PRR22: variants seen among roughly 807,000 people sequenced by gnomAD.
The protein encoded by PRR22 is proline-rich protein 22.
In PRR22, 5 loss-of-function variants were observed where a neutral mutation model predicts 7.2. The ratio of observed to expected loss-of-function variants is 0.69; its 90% CI spans 0.36 to 1.45. The LOEUF is 1.45. Among genes scored for constraint, PRR22 ranks in the 40% most tolerant of loss-of-function variants. The probability of loss-of-function intolerance (pLI) is 0.03; values close to 1 mark genes in which losing one functional copy is unlikely to be tolerated. For missense variants in PRR22, 619 were observed against 568.8 expected (o/e 1.09, Z -0.90); for synonymous variants, 319 against 269.3 (o/e 1.18, Z -1.81).
rs941048110 is a variant in PRR22 at position 5,783,957 on chromosome 19, A to T, written c.290T>A (p.Leu97Gln). 2.5e-6 allele frequency: 4 copies of T among 1,602,014 alleles called. No individual in the cohort carries two copies. The highest frequency in any genetic ancestry group is 3.4e-6 in the Non-Finnish European group (4 of 1,175,048). The change falls in exon 3 of 3, where the codon CTG (leucine) becomes CAG (glutamine). Residue 97 changes from leucine to glutamine, a missense_variant. Coordinates refer to ENST00000419421, the MANE Select transcript of PRR22 (RefSeq NM_001134316.2). The stretch of plus-strand genomic sequence containing the variant: ...CGCTGGCCCCCCGCTGCTTGCTGCC[A>T]GCTTATACAGGGCTGACTGGCCCAG... ...PDLGQSALYK[L>Q]AASSGGPAGV...
In PRR22 at chr19:5,783,668, C is replaced by A. The variant is rs765013079; in HGVS notation, c.579G>T (p.Pro193=). ...LPPPPPKENK[P]PPVLITLPAE... is the part of the protein sequence containing the mutation. ...CAGGCAGCGTGATGAGTACAGGGGG[C>A]GGCTTGTTCTCCTTGGGGGGTGGGG... The change falls in exon 3 of 3, where the codon CCG becomes CCT. Residue 193 remains proline (P), a synonymous_variant. Transcript: ENST00000419421. The A allele has an allele frequency of 6.2e-6, 9 of 1,448,468 alleles. No homozygotes were observed. In the Admixed American group the frequency reaches 8.8e-5, roughly 14 times the overall value. The allele number at this position is 1,448,468 out of a possible 1,614,324, so 89.7% of individuals were successfully genotyped here.
In PRR22 at chr19:5,783,603, TGGAGGTGGCTGTAGGC is replaced by T; in HGVS notation, c.628_643del (p.Ala210ArgfsTer76). On this transcript the variant is annotated frameshift_variant, in exon 3 of 3. Coordinates refer to ENST00000419421, the MANE Select transcript of PRR22 (RefSeq NM_001134316.2). LOFTEE classifies it low-confidence loss of function (END_TRUNC). Reference sequence around the variant, plus strand: ...CCCAGGGAAGTGGCCGAGGTGACCCTGGAGGTGGCTGTAGGCGTCTGGGGGCAGTGTGGGCTCTGCA... The same window carrying T: ...CCCAGGGAAGTGGCCGAGGTGACCCTGTCTGGGGGCAGTGTGGGCTCTGCA... The T allele has an allele frequency of 6.5e-7, 1 of 1,548,576 alleles. No homozygotes were observed. The highest frequency in any genetic ancestry group is 8.7e-7 in the Non-Finnish European group (1 of 1,147,348).
At position 5,783,665 on chromosome 19, in the gene PRR22, G is replaced by C. The variant is rs1185415438; in HGVS notation, c.582C>G (p.Pro194=). The change falls in exon 3 of 3, where the codon CCC becomes CCG. Residue 194 remains proline, a synonymous_variant. Coordinates refer to ENST00000419421, the MANE Select transcript of PRR22 (RefSeq NM_001134316.2). Reference sequence around the variant, plus strand: ...CTGCAGGCAGCGTGATGAGTACAGGGGGCGGCTTGTTCTCCTTGGGGGGTG... The same window carrying C: ...CTGCAGGCAGCGTGATGAGTACAGGCGGCGGCTTGTTCTCCTTGGGGGGTG... ...PPPPPKENKP[P]PVLITLPAEP... is the part of the protein sequence containing the mutation. 10 of 1,550,692 alleles carry C rather than the reference G, an allele frequency of 6.4e-6. No homozygotes were observed. The South Asian group carries it at 1.1e-4, about 17-fold the overall frequency.
rs779480868 is a variant in PRR22, at chr19:5,783,769, C to T, written c.478G>A (p.Val160Met). The change falls in exon 3 of 3, where the codon GTG becomes ATG. Residue 160 changes from valine (V) to methionine (M), a missense_variant. By Grantham distance (21) the Val-to-Met change is conservative. Coordinates refer to ENST00000419421, the MANE Select transcript of PRR22 (RefSeq NM_001134316.2). ...AAGGCGGCGGGCCCTGCGTCCCCCA[C>T]AAAACCCAGAGCCTCTGGCCCGGGG... The part of the protein sequence containing the change: ...EGPGPEALGF[V>M]GDAGPAAFVE... 6.7e-7 allele frequency: 1 copy of T among 1,486,344 alleles called. No individual in the cohort carries two copies. The allele number at this position is 1,486,344 out of a possible 1,614,324, so 92.1% of individuals were successfully genotyped here.
intron 2 of PRR22, 162 bp from the exon 3 acceptor site, chr19:5,784,215 A>C: frequency 9.3e-7 from 1 of 1,072,956 alleles, no homozygotes; most frequent in South Asian, 1.3e-5. Flanking sequence ...GTGATGGATG[A>C]CACAGAGCTT....
chr19:5,784,568 C>T lies in PRR22; in HGVS notation c.93G>A (p.Gln31=), dbSNP rs1389228154. 7 of 1,547,242 alleles carry T rather than the reference C, an allele frequency of 4.5e-6. No individual in the cohort carries two copies. Among genetic ancestry groups the T allele is most frequent in the Non-Finnish European group, 5.2e-6 (6 of 1,146,906 alleles). ...GAGGCTCGGCACAGGTGGGAGCAGG[C>T]TGGTTGCCCAGCACCTCAGCCCCCT... ...SLEGAEVLGN[Q]PAPTCAEPPP... Residue 31 remains glutamine, a synonymous_variant, in exon 1 of 3, where the codon CAG becomes CAA. Transcript: ENST00000419421.
At chr19:5,784,074 C>T in intron 2 of PRR22, 21 bp from the exon 3 acceptor site, 8 of 1,606,280 alleles carry the variant, frequency 5.0e-6, no homozygotes, top group South Asian at 1.1e-5. Flanking sequence ...CAGGCGGGTG[C>T]CCTGAGAGCA....
Position 5,782,973 on chromosome 19 carries a change from G to A in PRR22, c.*5C>T, listed in dbSNP as rs558435369. On this transcript the variant is annotated 3_prime_UTR_variant, in exon 3 of 3. Coordinates refer to ENST00000419421, the MANE Select transcript of PRR22 (RefSeq NM_001134316.2). ...TGGACATGGAGCTGAAAGGTCAAATGTGCTTTAATGCGGGGTGGCTCCCAG... is the reference window on the plus strand; with the variant it reads ...TGGACATGGAGCTGAAAGGTCAAATATGCTTTAATGCGGGGTGGCTCCCAG... The A allele has an allele frequency of 2.0e-6, 3 of 1,510,924 alleles. No individual in the cohort carries two copies. The highest frequency in any genetic ancestry group is 1.4e-5 in the African/African-American group (1 of 71,818). 93.6% of individuals were successfully genotyped at this position (1,510,924 alleles called of 1,614,324 possible).
At chr19:5,784,477 G>A (rs914775302) in intron 1 of PRR22, 38 bp from the exon 2 acceptor site, 1 of 1,550,516 alleles carries the variant, frequency 6.4e-7, no homozygotes, top group African/African-American at 1.4e-5. Context: ...GGGCCCTTAG[G>A]CGGGTGGGCC....
chr19:5,783,896 C>T lies in PRR22; in HGVS notation c.351G>A (p.Glu117=). ...VPSAPGSYLL[E]PQPYLKAPGL... ...CCGGGGCCTTGAGGTAGGGCTGAGG[C>T]TCCAGGAGGTAGCTGCCTGGGGCGG... The change falls in exon 3 of 3, where the codon GAG becomes GAA. Residue 117 remains glutamate (E), a synonymous_variant. Coordinates refer to ENST00000419421, the MANE Select transcript of PRR22 (RefSeq NM_001134316.2). 2 of 1,573,532 alleles carry T rather than the reference C, an allele frequency of 1.3e-6. No individual in the cohort carries two copies. Among genetic ancestry groups the T allele is most frequent in the Non-Finnish European group, 1.7e-6 (2 of 1,160,946 alleles).
Position 5,784,582 on chromosome 19 carries a change from C to T in PRR22, c.79G>A (p.Val27Met), listed in dbSNP as rs1315575881. 1 of 1,545,290 alleles carries T rather than the reference C, an allele frequency of 6.5e-7. No homozygotes were observed. The highest frequency in any genetic ancestry group is 8.7e-7 in the Non-Finnish European group (1 of 1,146,892). The change falls in exon 1 of 3, where the codon GTG (valine) becomes ATG (methionine). Residue 27 changes from valine (V) to methionine (M), a missense_variant. Physicochemically the swap from Val to Met is conservative, Grantham distance 21. Transcript: ENST00000419421. The stretch of plus-strand genomic sequence containing the variant: ...GTGGGAGCAGGCTGGTTGCCCAGCA[C>T]CTCAGCCCCCTCCAGACTCTGCGGG... Reference protein sequence around the residue: ...FSPQSLEGAEVLGNQPAPTCA... With the variant: ...FSPQSLEGAEMLGNQPAPTCA...
At chr19:5,784,178 T>A (rs570698492) in intron 2 of PRR22, 125 bp from the exon 3 acceptor site, 3 of 1,079,068 alleles carry the variant, frequency 2.8e-6, no homozygotes, top group African/African-American at 3.1e-5. Context: ...GGGGACGACA[T>A]AGATATTGCT....
At chr19:5,784,101 C>G in intron 2 of PRR22, 48 bp from the exon 3 acceptor site, 1 of 1,556,634 alleles carries the variant, frequency 6.4e-7, no homozygotes, top group Non-Finnish European at 8.9e-7. Flanking sequence ...GCCTGAGGGG[C>G]CCAGCCCAAG....
At chr19:5,784,159 G>T in intron 2 of PRR22, 106 bp from the exon 3 acceptor site, 1 of 1,183,992 alleles carries the variant, frequency 8.4e-7, no homozygotes, top group Non-Finnish European at 1.3e-6. Context: ...CCATTGGGGG[G>T]CCCCTTTGGG....
In PRR22 at chr19:5,783,123, T is replaced by C; in HGVS notation, c.1124A>G (p.Asn375Ser). Residue 375 changes from asparagine to serine, a missense_variant, in exon 3 of 3, where the codon AAC becomes AGC. Asn to Ser is a conservative substitution (Grantham distance 46). Coordinates refer to ENST00000419421, the MANE Select transcript of PRR22 (RefSeq NM_001134316.2). ...QPPHPGPPAT[N>S]TPAPILSGKR... ...GCCAGACAGAATGGGGGCCGGGGTGTTGGTGGCAGGGGGCCCCGGGTGGGG... is the reference window on the plus strand; with the variant it reads ...GCCAGACAGAATGGGGGCCGGGGTGCTGGTGGCAGGGGGCCCCGGGTGGGG... The C allele has an allele frequency of 1.2e-6, 2 of 1,612,208 alleles. No homozygotes were observed. Among genetic ancestry groups the C allele is most frequent in the African/African-American group, 2.7e-5 (2 of 75,012 alleles).
Position 5,783,269 on chromosome 19 carries a change from G to C in PRR22, c.978C>G (p.Ile326Met). 1 of 1,612,866 alleles carries C rather than the reference G, an allele frequency of 6.2e-7. No homozygotes were observed. The highest frequency in any genetic ancestry group is 8.5e-7 in the Non-Finnish European group (1 of 1,179,994). The stretch of plus-strand genomic sequence containing the variant: ...GCTCCTCGGGCAGGCACAGCGAGCG[G>C]ATGTCATCGGCTGAGTTCCCACCAC... ...DSSGGNSADD[I>M]RSLCLPEELL... The change falls in exon 3 of 3, where the codon ATC (isoleucine) becomes ATG (methionine). Residue 326 changes from isoleucine to methionine, a missense_variant. By Grantham distance (10) the Ile-to-Met change is conservative. Transcript: ENST00000419421.
In PRR22 at chr19:5,784,310, G is replaced by T. The variant is rs78160665; in HGVS notation, c.193+67C>A. 2.0e-4 allele frequency: 312 copies of T among 1,537,152 alleles called. 3 individuals carry two copies. The East Asian group carries it at 7.0e-3, about 35-fold the overall frequency. ...AGGCTCCCACTTAGGGACGGGGCAG[G>T]GGCAAGATGGGCCTGCACACTCAAA... is the stretch of plus-strand genomic sequence containing the variant. On this transcript the variant is annotated intron_variant, in intron 2 of 2. Coordinates refer to ENST00000419421, the MANE Select transcript of PRR22 (RefSeq NM_001134316.2).
In PRR22 at chr19:5,783,337, C is replaced by T. The variant is rs2056810481; in HGVS notation, c.910G>A (p.Gly304Ser). 3 of 1,612,632 alleles carry T rather than the reference C, an allele frequency of 1.9e-6. No individual in the cohort carries two copies. Among genetic ancestry groups the T allele is most frequent in the Non-Finnish European group, 2.5e-6 (3 of 1,179,958 alleles). Residue 304 changes from glycine to serine, a missense_variant, in exon 3 of 3, where the codon GGT (glycine) becomes AGT (serine). By Grantham distance (56) the Gly-to-Ser change is moderately conservative. Transcript: ENST00000419421. ...DCLPGASEPE[G>S]TLCEVPGPAL... ...GGCCCAGGGACCTCGCACAGGGTAC[C>T]CTCAGGCTCAGAGGCGCCTGGCAGG...
chr19:5,784,016 G>A lies in PRR22; in HGVS notation c.231C>T (p.Pro77=), dbSNP rs1160408574. ...TGGTCCACTCGATCCGATAGATGCG[G>A]GGGTCGAAGAAGCACCCGCATGGGG... ...QMAPCGCFFD[P]RIYRIEWTTP... is the part of the protein sequence containing the mutation. The change falls in exon 3 of 3, where the codon CCC becomes CCT. Residue 77 remains proline (P), a synonymous_variant. Transcript: ENST00000419421. 6.2e-7 allele frequency: 1 copy of A among 1,610,846 alleles called. No individual in the cohort carries two copies. Among genetic ancestry groups the A allele is most frequent in the Non-Finnish European group, 8.5e-7 (1 of 1,179,058 alleles).
Sources: gnomAD v4.1 joint callset for allele counts on GRCh38, gnomAD v4.1.1 for gene constraint, MANE v1.5 for transcripts, NCBI Gene and HGNC (gene_info 2026-07-23, HGNC 2026-07-21) for gene names.